DGKB: variants seen among roughly 807,000 people sequenced by gnomAD.
The protein encoded by DGKB is diacylglycerol kinase beta, also known as 90 kDa diacylglycerol kinase.
DGKB carries 67 observed loss-of-function variants against 114.3 expected under a neutral mutation model. The observed-to-expected ratio is 0.59, with a 90% CI of 0.48 to 0.72. The LOEUF is 0.72. DGKB is among the 30% of genes least tolerant of loss of function. The pLI is 0.00. For missense variants in DGKB, 907 were observed against 975.2 expected (o/e 0.93, Z 0.93); for synonymous variants, 398 against 323.1 (o/e 1.23, Z -2.49).
At chr7:14,927,607 G>A (rs1784812523) in intron 1 of DGKB, among the ~76,000 whole-genome samples, 1 of 147,732 alleles carries the variant, frequency 6.8e-6, no homozygotes, top group Non-Finnish European at 1.5e-5. Flanking sequence ...AATAAAGGTT[G>A]AATTATATAT....
chr7:14,695,202 C>A (rs1337529025), intron 8 of DGKB, among the ~76,000 whole-genome samples: 1 of 152,216 alleles, frequency 6.6e-6, no homozygotes. Flanking sequence ...GATTATTTTT[C>A]TCCTCTTGCC....
chr7:14,701,591 CTTCTGTGGTAATAACTACAAAT>C, intron 7 of DGKB, 68 bp downstream of exon 7: 1 of 917,212 alleles, frequency 1.1e-6, no homozygotes, highest in East Asian at 2.4e-5. Flanking sequence ...TTAAGTGTGC[CTTCTGTGGTAATAACTACAAAT>C]TTATTCATTG....
At chr7:14,539,390 A>G (rs912574560) in intron 20 of DGKB, among the ~76,000 whole-genome samples, 4 of 152,182 alleles carry the variant, frequency 2.6e-5, no homozygotes, top group African/African-American at 9.6e-5. Context: ...GAAATAAGAT[A>G]CATGAAGTAT....
chr7:14,608,673 A>C (rs939917780), intron 16 of DGKB, among the ~76,000 whole-genome samples: 9 of 152,100 alleles, frequency 5.9e-5, no homozygotes, highest in Admixed American at 4.6e-4. Context: ...TTCTATACTC[A>C]GAAAACTGTC....
intron 2 of DGKB, among the ~76,000 whole-genome samples, chr7:14,791,454 T>C (rs1318864736): frequency 6.6e-6 from 1 of 152,114 alleles, no homozygotes; most frequent in Non-Finnish European, 1.5e-5. Context: ...AAGCACTATG[T>C]TGAATTGAAA....
At chr7:14,301,846 T>G (rs563706313) in intron 23 of DGKB, among the ~76,000 whole-genome samples, 1 of 152,226 alleles carries the variant, frequency 6.6e-6, no homozygotes, top group African/African-American at 2.4e-5. Flanking sequence ...GTTGATCAAG[T>G]GTACAGTGCT....
intron 2 of DGKB, among the ~76,000 whole-genome samples, chr7:14,805,980 T>A (rs1306091289): frequency 6.6e-6 from 1 of 151,472 alleles, no homozygotes; most frequent in Non-Finnish European, 1.5e-5. Flanking sequence ...TCTAAAAATT[T>A]TCAAGTAATA....
intron 23 of DGKB, among the ~76,000 whole-genome samples, chr7:14,258,639 A>T (rs1381505662): frequency 6.6e-6 from 1 of 152,222 alleles, no homozygotes; most frequent in Non-Finnish European, 1.5e-5. Context: ...CAGCAAATGC[A>T]GCTGCAGCTC....
chr7:14,644,448 G>C, intron 13 of DGKB, among the ~76,000 whole-genome samples: 1 of 152,252 alleles, frequency 6.6e-6, no homozygotes, highest in South Asian at 2.1e-4. Flanking sequence ...TGAAATACAA[G>C]AGAACACAGA....
intron 23 of DGKB, among the ~76,000 whole-genome samples, chr7:14,213,227 G>T (rs1210278845): frequency 6.6e-6 from 1 of 151,926 alleles, no homozygotes; most frequent in Non-Finnish European, 1.5e-5. Context: ...AAATACCACA[G>T]TATATATATC....
intron 2 of DGKB, among the ~76,000 whole-genome samples, chr7:14,763,115 C>A (rs1365789230): frequency 6.6e-6 from 1 of 152,090 alleles, no homozygotes; most frequent in Non-Finnish European, 1.5e-5. Context: ...ATTGTGAAGG[C>A]ATCCCATCAT....
intron 20 of DGKB, among the ~76,000 whole-genome samples, chr7:14,538,743 G>A (rs1246870052): frequency 6.6e-6 from 1 of 152,076 alleles, no homozygotes; most frequent in Non-Finnish European, 1.5e-5. Context: ...ATCTTCATCA[G>A]CAGATGAATG....
chr7:14,194,906 C>T (rs10486052), intron 23 of DGKB, among the ~76,000 whole-genome samples: 13,759 of 152,050 alleles, frequency 0.09, 854 homozygotes, highest in Admixed American at 0.18. Flanking sequence ...CTCTCTATAG[C>T]GACCAAAGGA....
At chr7:14,275,307 T>C (rs550791795) in intron 23 of DGKB, among the ~76,000 whole-genome samples, 6 of 152,296 alleles carry the variant, frequency 3.9e-5, no homozygotes, top group African/African-American at 1.2e-4. Flanking sequence ...TGGTATAGGG[T>C]TGACACACAA....
chr7:14,407,924 A>T (rs6962080), intron 21 of DGKB, among the ~76,000 whole-genome samples: 99,486 of 151,662 alleles, frequency 0.66, 33,872 homozygotes, highest in Non-Finnish European at 0.75. Flanking sequence ...TACACAGAAG[A>T]CCTTAGAAGA....
In DGKB at chr7:14,748,165, A is replaced by C. The variant is rs866167354; in HGVS notation, c.168+5763T>G. Among the ~76,000 whole-genome samples, 3 of 152,310 alleles carry C rather than the reference A, an allele frequency of 2.0e-5. No individual in the cohort carries two copies. The South Asian group carries it at 6.2e-4, about 32-fold the overall frequency. On this transcript the variant is annotated intron_variant, in intron 4 of 25. Transcript: ENST00000402815. Reference sequence around the variant, plus strand: ...GTTCTTTGAGCACCCACTCTGCACCAGGCTCTGTTCTAGGTGTTTGGGTAA... The same window carrying C: ...GTTCTTTGAGCACCCACTCTGCACCCGGCTCTGTTCTAGGTGTTTGGGTAA...
chr7:14,578,725 C>T (rs181633858), intron 19 of DGKB, among the ~76,000 whole-genome samples: 89 of 152,308 alleles, frequency 5.8e-4, no homozygotes, highest in African/African-American at 2.0e-3. Flanking sequence ...AACTATAGTT[C>T]TGCATGTTTT....
At chr7:14,900,125 G>A (rs752279488) in intron 1 of DGKB, among the ~76,000 whole-genome samples, 52 of 152,076 alleles carry the variant, frequency 3.4e-4, no homozygotes, top group Admixed American at 7.2e-4. Context: ...GTTGTGTGAC[G>A]AACAAAGCAC....
intron 13 of DGKB, among the ~76,000 whole-genome samples, chr7:14,648,873 T>A (rs1236756565): frequency 2.2e-5 from 3 of 134,278 alleles, no homozygotes; most frequent in African/African-American, 8.3e-5. Context: ...GCTGATGCGA[T>A]CAACTGGAAG....
Sources: gnomAD v4.1 joint callset for allele counts (sites outside exome capture counted in the v4.1 genomes callset) on GRCh38, gnomAD v4.1.1 for gene constraint, MANE v1.5 for transcripts, NCBI Gene and HGNC (gene_info 2026-07-23, HGNC 2026-07-21) for gene names.